The following SLC1A2 variants were observed in gnomAD, a reference collection of about 807,000 sequenced individuals.
The protein encoded by SLC1A2 is excitatory amino acid transporter 2.
SLC1A2 carries 15 observed loss-of-function variants against 48.8 expected under a neutral mutation model. The observed-to-expected ratio is 0.31, with a 90% CI of 0.21 to 0.47. The LOEUF is 0.47. Ranked by LOEUF, SLC1A2 falls within the 20% of genes least tolerant of loss-of-function variation. The pLI is 0.99. For synonymous variants in SLC1A2, 279 were observed against 272.6 expected (o/e 1.02, Z -0.23); for missense variants, 502 against 730.5 (o/e 0.69, Z 3.61).
intron 1 of SLC1A2, among the ~76,000 whole-genome samples, chr11:35,328,153 T>C (rs1852307903): frequency 1.3e-5 from 2 of 152,028 alleles, no homozygotes; most frequent in African/African-American, 4.8e-5. Flanking sequence ...CATAAGAAAA[T>C]GGCATCCACT....
chr11:35,341,922 T>C (rs12290517), intron 1 of SLC1A2, among the ~76,000 whole-genome samples: 23,923 of 152,196 alleles, frequency 0.16, 2,228 homozygotes, highest in African/African-American at 0.25. Context: ...TGAAAGTGTA[T>C]GGACCTGTTA....
chr11:35,290,111 C>A (rs1363806286), intron 7 of SLC1A2, among the ~76,000 whole-genome samples: 2 of 152,178 alleles, frequency 1.3e-5, no homozygotes, highest in African/African-American at 4.8e-5. Context: ...CACCCTCAAA[C>A]CCCAGTTAAT....
At chr11:35,378,991 G>A (rs1168607360) in intron 1 of SLC1A2, among the ~76,000 whole-genome samples, 1 of 152,202 alleles carries the variant, frequency 6.6e-6, no homozygotes, top group Non-Finnish European at 1.5e-5. Context: ...CACTTTGGGA[G>A]GCCGAGGGGG....
chr11:35,287,669 G>A (rs973266904), intron 7 of SLC1A2, among the ~76,000 whole-genome samples: 4 of 152,136 alleles, frequency 2.6e-5, no homozygotes, highest in African/African-American at 4.8e-5. Context: ...CTCCTCCCAG[G>A]CCTGGGATGT....
chr11:35,379,012 T>C (rs997946275), intron 1 of SLC1A2, among the ~76,000 whole-genome samples: 1 of 152,182 alleles, frequency 6.6e-6, no homozygotes, highest in Admixed American at 6.5e-5. Flanking sequence ...ATGGATCACC[T>C]GAGGTCAGGA....
chr11:35,339,267 G>A (rs115060607), intron 1 of SLC1A2, among the ~76,000 whole-genome samples: 6 of 152,294 alleles, frequency 3.9e-5, no homozygotes, highest in African/African-American at 7.2e-5. Flanking sequence ...ATCTCAATGC[G>A]GTGAACAAGA....
At chr11:35,386,839 C>T (rs1239743860) in intron 1 of SLC1A2, among the ~76,000 whole-genome samples, 1 of 152,186 alleles carries the variant, frequency 6.6e-6, no homozygotes, top group Non-Finnish European at 1.5e-5. Flanking sequence ...AAATACATTC[C>T]TTAAAATTAC....
chr11:35,357,187 G>A (rs1853505428), intron 1 of SLC1A2, among the ~76,000 whole-genome samples: 1 of 151,748 alleles, frequency 6.6e-6, no homozygotes, highest in African/African-American at 2.4e-5. Context: ...AACCCAGCAG[G>A]CAGAGGTTGT....
chr11:35,279,854 A>G (rs1850567587), intron 9 of SLC1A2, among the ~76,000 whole-genome samples: 1 of 152,246 alleles, frequency 6.6e-6, no homozygotes, highest in South Asian at 2.1e-4. Context: ...ACTCAAATTC[A>G]GTAACCACTT....
At chr11:35,382,747 G>A (rs1242047982) in intron 1 of SLC1A2, among the ~76,000 whole-genome samples, 4 of 151,282 alleles carry the variant, frequency 2.6e-5, no homozygotes, top group South Asian at 2.1e-4. Flanking sequence ...AGTGAGCTGC[G>A]ATCACGCCAC....
At chr11:35,342,625 G>A (rs1852881768) in intron 1 of SLC1A2, among the ~76,000 whole-genome samples, 1 of 151,684 alleles carries the variant, frequency 6.6e-6, no homozygotes, top group Non-Finnish European at 1.5e-5. Flanking sequence ...CCTCATGTAA[G>A]ATTAGAGAAC....
At chr11:35,404,740 G>C (rs569592264) in intron 1 of SLC1A2, among the ~76,000 whole-genome samples, 1 of 152,336 alleles carries the variant, frequency 6.6e-6, no homozygotes, top group Admixed American at 6.5e-5. Context: ...ATTTTGTGTT[G>C]AGATCTAGAG....
At chr11:35,321,253 G>A (rs1852056712) in intron 1 of SLC1A2, among the ~76,000 whole-genome samples, 1 of 152,120 alleles carries the variant, frequency 6.6e-6, no homozygotes, top group Non-Finnish European at 1.5e-5. Context: ...TGGGGATTAT[G>A]GGAGCTCCAA....
At chr11:35,288,802 T>C (rs917580116) in intron 7 of SLC1A2, among the ~76,000 whole-genome samples, 8 of 147,080 alleles carry the variant, frequency 5.4e-5, no homozygotes, top group Non-Finnish European at 1.2e-4. Flanking sequence ...TTATGTTTAT[T>C]ATTGCATTTA....
chr11:35,298,143 A>G (rs1434458803), intron 6 of SLC1A2: 1 of 152,326 alleles, frequency 6.6e-6, no homozygotes, highest in African/African-American at 2.4e-5. Context: ...TTTGTTCAGT[A>G]CTATTGTGAA....
intron 9 of SLC1A2, among the ~76,000 whole-genome samples, chr11:35,272,639 A>G (rs3794102): frequency 0.33 from 50,320 of 152,046 alleles, 9,307 homozygotes; most frequent in South Asian, 0.53. Flanking sequence ...TTCTCTCACA[A>G]TCATCCCTCA....
In SLC1A2 at chr11:35,253,672, C is replaced by G. The variant is rs184430945; in HGVS notation, c.*7222G>C. The G allele has an allele frequency of 2.5e-3, 384 of 152,702 alleles. 2 individuals are homozygous for G. The highest frequency in any genetic ancestry group is 8.6e-3 in the African/African-American group (359 of 41,556). The allele number at this position is 152,702 out of a possible 1,614,324, so 9.5% of individuals were successfully genotyped here. On this transcript the variant is annotated 3_prime_UTR_variant, in exon 11 of 11. Coordinates refer to ENST00000278379, the MANE Select transcript of SLC1A2 (RefSeq NM_004171.4). ...TAATGGTTCATTTTGTTTATTGCAT[C>G]ACTAAAGACTGGGTTCTTAAATTTG...
chr11:35,410,791 C>T (rs1425680822), intron 1 of SLC1A2, among the ~76,000 whole-genome samples: 1 of 152,162 alleles, frequency 6.6e-6, no homozygotes, highest in African/African-American at 2.4e-5. Flanking sequence ...TGTTCCAGAG[C>T]TCCTTGTGGG....
chr11:35,412,723 G>A (rs1216136823), intron 1 of SLC1A2, among the ~76,000 whole-genome samples: 2 of 152,196 alleles, frequency 1.3e-5, no homozygotes, highest in African/African-American at 4.8e-5. Flanking sequence ...ACACCTGAAG[G>A]CTGCAAAAGA....
Sources: allele counts gnomAD v4.1 joint callset (sites outside exome capture counted in the v4.1 genomes callset), GRCh38; gene constraint gnomAD v4.1.1; transcripts MANE v1.5; gene names NCBI Gene and HGNC (gene_info 2026-07-23, HGNC 2026-07-21).